FANCA: variants seen among roughly 807,000 people sequenced by gnomAD.
The protein encoded by FANCA is Fanconi anemia group A protein.
A neutral mutation model predicts 194.3 loss-of-function variants in FANCA; 236 were observed. The ratio of observed to expected loss-of-function variants is 1.21; its 90% CI spans 1.09 to 1.35. The LOEUF (loss-of-function observed/expected upper bound fraction) is 1.35, where lower values mean the gene tolerates loss of function less well. FANCA is among the 40% of genes most tolerant of loss of function. The probability of loss-of-function intolerance (pLI) is 0.00; values close to 1 mark genes in which losing one functional copy is unlikely to be tolerated. For missense variants in FANCA, 2,628 were observed against 1,813.9 expected, an observed-to-expected ratio of 1.45 and a Z score of -8.15; for synonymous variants, 1,014 against 715.8, an observed-to-expected ratio of 1.42 and a Z score of -6.65.
chr16:89,767,368 T>A, intron 26 of FANCA, 131 bp from the exon 27 acceptor site: 1 of 711,420 alleles, frequency 1.4e-6, no homozygotes, highest in South Asian at 1.5e-5. Flanking sequence ...TGGTCCTTCG[T>A]TTTTTGGTTC....
At chr16:89,795,218 G>GAGGTTGC (rs1465431977) in intron 11 of FANCA, among the ~76,000 whole-genome samples, 2 of 151,560 alleles carry the variant, frequency 1.3e-5, no homozygotes, top group African/African-American at 2.4e-5. Context: ...CCGGGAGGTG[G>GAGGTTGC]AGGTTGCAGT....
chr16:89,815,204 T>C (rs9925181), intron 2 of FANCA, among the ~76,000 whole-genome samples: 69,077 of 151,586 alleles, frequency 0.46, 16,901 homozygotes, highest in East Asian at 0.98. Context: ...ACCCGGCTAA[T>C]TTTTGTATTT....
chr16:89,751,922 C>A (rs889762193), intron 31 of FANCA, among the ~76,000 whole-genome samples: 11 of 152,070 alleles, frequency 7.2e-5, no homozygotes, highest in Admixed American at 2.6e-4. Flanking sequence ...AGGTGCCCGC[C>A]ACCACGCCCG....
chr16:89,754,281 A>G (rs1294378822), intron 30 of FANCA, among the ~76,000 whole-genome samples: 3 of 151,940 alleles, frequency 2.0e-5, no homozygotes, highest in Non-Finnish European at 4.4e-5. Context: ...GGGGAGTTCA[A>G]GCCGGGGCAA....
At chr16:89,810,673 C>T in intron 5 of FANCA, 34 bp downstream of exon 5, 1 of 1,349,688 alleles carries the variant, frequency 7.4e-7, no homozygotes, top group Non-Finnish European at 1.1e-6. Context: ...TTGCCTGGAA[C>T]ACTGGAGAGT....
chr16:89,770,664 T>C, intron 23 of FANCA, 30 bp from the exon 24 acceptor site: 1 of 1,575,672 alleles, frequency 6.3e-7, no homozygotes, highest in Non-Finnish European at 8.6e-7. Context: ...ATGAGCGTGG[T>C]GTCCTGGGGA....
chr16:89,739,040 A>G (rs556778941), intron 41 of FANCA, 66 bp from the exon 42 acceptor site: 262 of 1,614,024 alleles, frequency 1.6e-4, no homozygotes, highest in Middle Eastern at 1.6e-4. Flanking sequence ...TGTGTCCCCC[A>G]TAGTCTGCAT....
At position 89,767,722 on chromosome 16, in the gene FANCA, G is replaced by C. The variant is rs575372648; in HGVS notation, c.2505-485C>G. 1.2e-4 allele frequency among the ~76,000 whole-genome samples: 18 copies of C among 152,224 alleles called. No homozygotes were observed. In the South Asian group the frequency reaches 3.3e-3, roughly 28 times the overall value. On this transcript the variant is annotated intron_variant, in intron 26 of 42. Coordinates refer to ENST00000389301, the MANE Select transcript of FANCA (RefSeq NM_000135.4). ...AGCCTCCATGCCCAGCTAATTTTTT[G>C]TATTTTTAGTAGAGATGGGGTTTCA...
At chr16:89,741,359 T>A (rs1233115046) in intron 37 of FANCA, among the ~76,000 whole-genome samples, 1 of 152,202 alleles carries the variant, frequency 6.6e-6, no homozygotes, top group African/African-American at 2.4e-5. Context: ...CCTGAAGACG[T>A]ACTCAGAAGA....
chr16:89,749,669 C>T, intron 32 of FANCA, 61 bp downstream of exon 32: 3 of 1,564,118 alleles, frequency 1.9e-6, no homozygotes, highest in South Asian at 1.2e-5. Context: ...CCTCTAGGAC[C>T]GTCATGAGAT....
intron 27 of FANCA, 30 bp downstream of exon 27, chr16:89,767,111 A>G: frequency 6.5e-7 from 1 of 1,539,490 alleles, no homozygotes; most frequent in Non-Finnish European, 9.0e-7. Context: ...CGTATGGCAG[A>G]ATGGAAAAAT....
chr16:89,771,898 C>A lies in FANCA; in HGVS notation c.2015-84G>T, dbSNP rs17226582. Reference sequence around the variant, plus strand: ...CGGCCTAGAGAGCTCCGCCTCCCGTCAAGTACGATTCCACGGATCCTGCTG... The same window carrying A: ...CGGCCTAGAGAGCTCCGCCTCCCGTAAAGTACGATTCCACGGATCCTGCTG... On this transcript the variant is annotated intron_variant, in intron 22 of 42. Coordinates refer to ENST00000389301, the MANE Select transcript of FANCA (RefSeq NM_000135.4). 1.8e-4 allele frequency: 270 copies of A among 1,507,702 alleles called. 1 individual carries two copies. The Admixed American group carries it at 4.7e-3, about 26-fold the overall frequency. The allele number at this position is 1,507,702 out of a possible 1,614,324, so 93.4% of individuals were successfully genotyped here. A position where few individuals can be genotyped will look rare whatever the true frequency, so the allele number is the denominator to read the frequency against.
At chr16:89,747,909 G>A (rs1332091640) in intron 33 of FANCA, among the ~76,000 whole-genome samples, 1 of 151,996 alleles carries the variant, frequency 6.6e-6, no homozygotes, top group African/African-American at 2.4e-5. Flanking sequence ...TCCCCACAGC[G>A]AGTGTCACTT....
In FANCA at chr16:89,764,947, G is replaced by A; in HGVS notation, c.2721C>T (p.Ala907=). The change falls in exon 28 of 43, where the codon GCC becomes GCT. Residue 907 remains alanine (A), a synonymous_variant. Transcript: ENST00000389301. ...HLPSADWQRA[A]LSLWTHRTFR... is the part of the protein sequence containing the mutation. ...AGGTTCTGTGTGTCCAGAGAGAGAG[G>A]GCAGCTCTCTGCCAGTCTGCAGAAG... The A allele has an allele frequency of 6.2e-7, 1 of 1,614,156 alleles. No homozygotes were observed. The highest frequency in any genetic ancestry group is 8.5e-7 in the Non-Finnish European group (1 of 1,179,988).
intron 30 of FANCA, 38 bp from the exon 31 acceptor site, chr16:89,752,260 C>T (rs1567605779): frequency 5.2e-6 from 8 of 1,542,876 alleles, no homozygotes; most frequent in South Asian, 1.1e-5. Flanking sequence ...CTCAGTATCG[C>T]CTAATAGTGC....
At chr16:89,794,872 G>A (rs1042416368) in intron 11 of FANCA, among the ~76,000 whole-genome samples, 1 of 152,214 alleles carries the variant, frequency 6.6e-6, no homozygotes, top group African/African-American at 2.4e-5. Flanking sequence ...GAGTCTAGCT[G>A]AGAACCATGA....
At chr16:89,766,654 G>T (rs1475456870) in intron 27 of FANCA, among the ~76,000 whole-genome samples, 1 of 151,796 alleles carries the variant, frequency 6.6e-6, no homozygotes, top group Non-Finnish European at 1.5e-5. Context: ...GGTGGAGGTT[G>T]CAGTGGGCCG....
At chr16:89,792,650 GCGGC>G in intron 11 of FANCA, 103 bp from the exon 12 acceptor site, 1 of 889,952 alleles carries the variant, frequency 1.1e-6, no homozygotes, top group Non-Finnish European at 1.8e-6. Context: ...CTCCCCGTGT[GCGGC>G]GACGAGAGAG....
chr16:89,780,522 G>A (rs750382342), intron 17 of FANCA, among the ~76,000 whole-genome samples: 7 of 151,868 alleles, frequency 4.6e-5, no homozygotes, highest in African/African-American at 1.2e-4. Flanking sequence ...TACTCAGGAC[G>A]TGGAGGTGGA....
Sources: gnomAD v4.1 joint callset for allele counts (sites outside exome capture counted in the v4.1 genomes callset) on GRCh38, gnomAD v4.1.1 for gene constraint, MANE v1.5 for transcripts, NCBI Gene and HGNC (gene_info 2026-07-23, HGNC 2026-07-21) for gene names.